The following KCNK10 variants were observed in gnomAD, a reference collection of about 807,000 sequenced individuals.
KCNK10 encodes potassium two pore domain channel subfamily K member 10.
Under a neutral mutation model 47.7 loss-of-function variants are expected in KCNK10, and 25 were observed. That is an observed-to-expected ratio of 0.52 (90% CI 0.38 to 0.73). KCNK10 has a LOEUF of 0.73. Among genes scored for constraint, KCNK10 ranks in the 30% least tolerant of loss-of-function variants. The pLI, the probability that KCNK10 is intolerant of heterozygous loss-of-function variation, is 0.00. For synonymous variants in KCNK10, 303 were observed against 285.6 expected (o/e 1.06, Z -0.61); for missense variants, 563 against 714.5 (o/e 0.79, Z 2.42).
chr14:88,305,402 A>G (rs1428660043), intron 1 of KCNK10, among the ~76,000 whole-genome samples: 3 of 152,178 alleles, frequency 2.0e-5, no homozygotes, highest in African/African-American at 7.2e-5. Flanking sequence ...AAATTATGGA[A>G]ACAAAATAGT....
intron 4 of KCNK10, among the ~76,000 whole-genome samples, chr14:88,205,801 C>T (rs1201056036): frequency 6.6e-6 from 1 of 152,160 alleles, no homozygotes; most frequent in African/African-American, 2.4e-5. Context: ...ATTGGCCTCA[C>T]AAAGTACTGG....
chr14:88,226,343 T>A (rs1051390309), intron 4 of KCNK10, among the ~76,000 whole-genome samples: 1 of 152,160 alleles, frequency 6.6e-6, no homozygotes, highest in East Asian at 1.9e-4. Context: ...TAAAGAGAAG[T>A]ATGAGCCATT....
intron 4 of KCNK10, among the ~76,000 whole-genome samples, chr14:88,202,807 G>GGGGGGGA (rs1885143326): frequency 6.9e-6 from 1 of 144,150 alleles, no homozygotes; most frequent in African/African-American, 2.6e-5. Context: ...TGGGTGGTGG[G>GGGGGGGA]AAGCAAAACG....
chr14:88,233,645 C>A (rs555447321), intron 3 of KCNK10, among the ~76,000 whole-genome samples: 8 of 152,074 alleles, frequency 5.3e-5, no homozygotes, highest in Non-Finnish European at 1.0e-4. Context: ...AGCACACACA[C>A]AAAAAAGGGC....
intron 1 of KCNK10, among the ~76,000 whole-genome samples, chr14:88,294,396 C>G (rs1159592909): frequency 6.6e-6 from 1 of 152,250 alleles, no homozygotes; most frequent in African/African-American, 2.4e-5. Context: ...AAGAATAGAG[C>G]AATGCAAAGA....
intron 1 of KCNK10, among the ~76,000 whole-genome samples, chr14:88,302,862 ACTTT>A (rs78933838): frequency 2.6e-5 from 4 of 152,192 alleles, no homozygotes; most frequent in Non-Finnish European, 5.9e-5. Flanking sequence ...ACTGCCTGGC[ACTTT>A]CACCTTAGGC....
At chr14:88,298,514 G>A (rs757041787) in intron 1 of KCNK10, among the ~76,000 whole-genome samples, 3 of 152,036 alleles carry the variant, frequency 2.0e-5, no homozygotes, top group East Asian at 1.9e-4. Flanking sequence ...TCTCCTCCTC[G>A]TAATTTCGGA....
chr14:88,251,904 G>T (rs1886809702), intron 2 of KCNK10, among the ~76,000 whole-genome samples: 1 of 152,138 alleles, frequency 6.6e-6, no homozygotes, highest in African/African-American at 2.4e-5. Context: ...TCTCTGCCTG[G>T]AATCTTTGTC....
intron 4 of KCNK10, among the ~76,000 whole-genome samples, chr14:88,207,954 T>C (rs576649490): frequency 1.3e-5 from 2 of 152,258 alleles, no homozygotes; most frequent in Admixed American, 1.3e-4. Flanking sequence ...TGAAACACCA[T>C]AAATATCACA....
intron 2 of KCNK10, among the ~76,000 whole-genome samples, chr14:88,241,573 T>A (rs1344356259): frequency 2.0e-5 from 3 of 152,122 alleles, no homozygotes; most frequent in Non-Finnish European, 4.4e-5. Flanking sequence ...GAATTGGAAT[T>A]CCATACACCT....
At chr14:88,247,680 C>G (rs1057185212) in intron 2 of KCNK10, among the ~76,000 whole-genome samples, 1 of 152,200 alleles carries the variant, frequency 6.6e-6, no homozygotes, top group Non-Finnish European at 1.5e-5. Flanking sequence ...GGCTAGCATG[C>G]TTGCTCATGG....
intron 4 of KCNK10, among the ~76,000 whole-genome samples, chr14:88,206,669 C>T (rs73322384): frequency 0.028 from 4,299 of 152,282 alleles, 218 homozygotes; most frequent in African/African-American, 0.098. Flanking sequence ...TTGCATTCTA[C>T]GTATAGATGC....
At chr14:88,287,683 G>A (rs1887793454) in intron 1 of KCNK10, among the ~76,000 whole-genome samples, 1 of 12,556 alleles carries the variant, frequency 8.0e-5, no homozygotes, top group African/African-American at 1.8e-4. Context: ...TGGTGTGTGT[G>A]TGTGTGTGTG....
At chr14:88,281,727 C>CATATATATATATAT (rs10541410) in intron 1 of KCNK10, among the ~76,000 whole-genome samples, 1,538 of 141,546 alleles carry the variant, frequency 0.011, 34 homozygotes, top group African/African-American at 0.04. Context: ...TCTCTCTCTC[C>CATATATATATATAT]ATATATATAT....
chr14:88,269,328 C>T (rs561249208), intron 1 of KCNK10, among the ~76,000 whole-genome samples: 25 of 152,330 alleles, frequency 1.6e-4, no homozygotes, highest in African/African-American at 5.8e-4. Flanking sequence ...ACTGAGTTTG[C>T]CTGGCACTGC....
chr14:88,274,280 T>G (rs1887476769), intron 1 of KCNK10, among the ~76,000 whole-genome samples: 1 of 151,808 alleles, frequency 6.6e-6, no homozygotes, highest in South Asian at 2.1e-4. Flanking sequence ...AGACCATAAG[T>G]AGTTATACTG....
chr14:88,227,848 G>A (rs1293968629), intron 3 of KCNK10, among the ~76,000 whole-genome samples: 1 of 152,198 alleles, frequency 6.6e-6, no homozygotes, highest in Non-Finnish European at 1.5e-5. Flanking sequence ...TCATGGGCAT[G>A]TCTAGTTTAG....
chr14:88,203,831 A>T (rs1432087908), intron 4 of KCNK10, among the ~76,000 whole-genome samples: 1 of 152,162 alleles, frequency 6.6e-6, no homozygotes, highest in Non-Finnish European at 1.5e-5. Flanking sequence ...ATGGAGTAAC[A>T]CAGGGAAGGC....
At chr14:88,274,351 G>T (rs530371196) in intron 1 of KCNK10, among the ~76,000 whole-genome samples, 2 of 151,654 alleles carry the variant, frequency 1.3e-5, no homozygotes, top group Admixed American at 6.6e-5. Context: ...CTATTAGAAA[G>T]ATCCTTTCCA....
Sources: gnomAD v4.1 joint callset for allele counts (sites outside exome capture counted in the v4.1 genomes callset) on GRCh38, gnomAD v4.1.1 for gene constraint, MANE v1.5 for transcripts, NCBI Gene and HGNC (gene_info 2026-07-23, HGNC 2026-07-21) for gene names.